The following RYR3 variants were observed in gnomAD, a reference collection of about 807,000 sequenced individuals.
RYR3 encodes the protein brain ryanodine receptor-calcium release channel.
RYR3 carries 207 observed loss-of-function variants against 584.3 expected under a neutral mutation model. The ratio of observed to expected loss-of-function variants is 0.35; its 90% CI spans 0.32 to 0.40. RYR3 has a LOEUF of 0.40. Among genes scored for constraint, RYR3 ranks in the 10% least tolerant of loss-of-function variants. The probability of loss-of-function intolerance (pLI) is 1.00; values close to 1 mark genes in which losing one functional copy is unlikely to be tolerated. For missense variants in RYR3, 5,616 were observed against 6,089.2 expected (o/e 0.92, Z 2.59); for synonymous variants, 2,416 against 2,248.5 (o/e 1.07, Z -2.11).
At chr15:33,617,031 CT>C (rs1465472937) in intron 19 of RYR3, among the ~76,000 whole-genome samples, 2 of 152,198 alleles carry the variant, frequency 1.3e-5, no homozygotes, top group Non-Finnish European at 2.9e-5. Flanking sequence ...CCCAGCAGTT[CT>C]TCTCTGTACT....
At chr15:33,830,915 CACTG>C (rs2077639662) in intron 85 of RYR3, 44 bp from the exon 86 acceptor site, 1 of 1,594,366 alleles carries the variant, frequency 6.3e-7, no homozygotes, top group Non-Finnish European at 8.6e-7. Flanking sequence ...AGTTTAGCTT[CACTG>C]ACTGAAGTCT....
intron 32 of RYR3, among the ~76,000 whole-genome samples, chr15:33,659,157 T>C (rs1450449684): frequency 6.6e-6 from 1 of 152,134 alleles, no homozygotes; most frequent in African/African-American, 2.4e-5. Context: ...CATCCTACAG[T>C]GCATGGGATG....
chr15:33,488,713 A>G (rs367837984), intron 2 of RYR3, among the ~76,000 whole-genome samples: 79 of 152,194 alleles, frequency 5.2e-4, no homozygotes, highest in Middle Eastern at 3.4e-3. Flanking sequence ...TTAGCCAGGC[A>G]TGGTGACACG....
intron 32 of RYR3, among the ~76,000 whole-genome samples, chr15:33,656,926 C>T (rs1325017103): frequency 1.3e-5 from 2 of 152,318 alleles, no homozygotes; most frequent in East Asian, 3.9e-4. Context: ...CAAGGTCTCC[C>T]TATCTTGAGG....
chr15:33,545,084 G>T (rs1033277491), intron 8 of RYR3, among the ~76,000 whole-genome samples: 1 of 152,108 alleles, frequency 6.6e-6, no homozygotes, highest in African/African-American at 2.4e-5. Context: ...GTTTTGCAGG[G>T]TTGTCTGTAT....
At chr15:33,764,800 G>C (rs1399748631) in intron 60 of RYR3, among the ~76,000 whole-genome samples, 1 of 151,850 alleles carries the variant, frequency 6.6e-6, no homozygotes, top group Non-Finnish European at 1.5e-5. Flanking sequence ...TGGGAGGCCA[G>C]GGCAGGCGGA....
chr15:33,341,291 A>T (rs1354277980), intron 1 of RYR3, among the ~76,000 whole-genome samples: 1 of 152,064 alleles, frequency 6.6e-6, no homozygotes, highest in Non-Finnish European at 1.5e-5. Flanking sequence ...CACCCGCGTC[A>T]GCCTCCCAAA....
rs754438466 is a variant in RYR3 at position 33,810,984 on chromosome 15, A to T, written c.10204A>T (p.Thr3402Ser). 1.2e-6 allele frequency: 2 copies of T among 1,607,562 alleles called. No individual in the cohort carries two copies. Among genetic ancestry groups the T allele is most frequent in the South Asian group, 1.1e-5 (1 of 88,940 alleles). Reference protein sequence around the residue: ...LAKSRYSHRDTDEEVREHLRN... With the variant: ...LAKSRYSHRDSDEEVREHLRN... ...CTGACATCTCTTTCCACAGAGGGAC[A>T]CAGATGAAGAGGTCAGAGAACATCT... Residue 3402 changes from threonine (T) to serine (S), a missense_variant, in exon 72 of 104, where the codon ACA (threonine) becomes TCA (serine). Thr to Ser is a moderately conservative substitution (Grantham distance 58). Coordinates refer to ENST00000634891, the MANE Select transcript of RYR3 (RefSeq NM_001036.6).
At chr15:33,647,299 G>T in intron 29 of RYR3, 125 bp from the exon 30 acceptor site, 1 of 706,576 alleles carries the variant, frequency 1.4e-6, no homozygotes, top group Non-Finnish European at 2.5e-6. Context: ...GCAATCACTT[G>T]TGTTTAGGGA....
rs566505936 is a variant in RYR3 at position 33,602,026 on chromosome 15, C to T, written c.1922+474C>T. The stretch of plus-strand genomic sequence containing the variant: ...TCAGGGTGAAGAGCAGGGTCCCATG[C>T]AGGACCCCTAGCTTGCTAGTCCATG... On this transcript the variant is annotated intron_variant, in intron 17 of 103. Transcript: ENST00000634891. 7.9e-5 allele frequency among the ~76,000 whole-genome samples: 12 copies of T among 152,316 alleles called. No homozygotes were observed. In the East Asian group the frequency reaches 2.3e-3, roughly 29 times the overall value.
chr15:33,367,767 G>A (rs1975708964), intron 1 of RYR3, among the ~76,000 whole-genome samples: 1 of 152,152 alleles, frequency 6.6e-6, no homozygotes, highest in Non-Finnish European at 1.5e-5. Context: ...ACTAATCCTG[G>A]TAGCAGTGCT....
intron 30 of RYR3, among the ~76,000 whole-genome samples, chr15:33,648,213 A>C (rs11857817): frequency 0.035 from 5,379 of 152,284 alleles, 314 homozygotes; most frequent in African/African-American, 0.12. Context: ...GGATAATATT[A>C]TGCACAATAT....
intron 32 of RYR3, among the ~76,000 whole-genome samples, chr15:33,657,226 C>T (rs2062868321): frequency 6.6e-6 from 1 of 152,196 alleles, no homozygotes; most frequent in Non-Finnish European, 1.5e-5. Flanking sequence ...AAAGCACTTA[C>T]TTTCTGCAGG....
At chr15:33,344,674 C>T (rs1972226337) in intron 1 of RYR3, among the ~76,000 whole-genome samples, 1 of 152,022 alleles carries the variant, frequency 6.6e-6, no homozygotes, top group Admixed American at 6.6e-5. Flanking sequence ...GCATAAAACC[C>T]CTGATGAGTA....
At chr15:33,655,038 C>G (rs1439945971) in intron 32 of RYR3, among the ~76,000 whole-genome samples, 1 of 152,208 alleles carries the variant, frequency 6.6e-6, no homozygotes, top group Non-Finnish European at 1.5e-5. Flanking sequence ...GAGGCCGCCA[C>G]CTTGTCTCTC....
chr15:33,724,736 T>G (rs761160020), intron 45 of RYR3, among the ~76,000 whole-genome samples: 1 of 152,220 alleles, frequency 6.6e-6, no homozygotes, highest in Non-Finnish European at 1.5e-5. Context: ...AGAATAAGCC[T>G]TATTTCATAT....
intron 67 of RYR3, among the ~76,000 whole-genome samples, chr15:33,797,080 A>C (rs980959886): frequency 6.6e-6 from 1 of 152,200 alleles, no homozygotes; most frequent in African/African-American, 2.4e-5. Flanking sequence ...AGACTGTAGA[A>C]TAATAGACAT....
chr15:33,370,932 C>T (rs897388315), intron 1 of RYR3, among the ~76,000 whole-genome samples: 62 of 152,090 alleles, frequency 4.1e-4, no homozygotes, highest in African/African-American at 1.4e-3. Flanking sequence ...ATGGAAATAC[C>T]GCAAAGTAGG....
chr15:33,435,417 T>C (rs2045595580), intron 1 of RYR3, among the ~76,000 whole-genome samples: 2 of 152,220 alleles, frequency 1.3e-5, no homozygotes, highest in South Asian at 2.1e-4. Flanking sequence ...ACATTTATCA[T>C]TATGCTTTTT....
Sources: gnomAD v4.1 joint callset for allele counts (sites outside exome capture counted in the v4.1 genomes callset) on GRCh38, gnomAD v4.1.1 for gene constraint, MANE v1.5 for transcripts, NCBI Gene and HGNC (gene_info 2026-07-23, HGNC 2026-07-21) for gene names.